ACTR3C: variants seen among roughly 807,000 people sequenced by gnomAD.
ACTR3C encodes the protein actin-related protein 3C.
Under a neutral mutation model 26.3 loss-of-function variants are expected in ACTR3C, and 18 were observed. That is an observed-to-expected ratio of 0.68 (90% CI 0.47 to 1.01). The LOEUF is 1.01. Ranked by LOEUF, ACTR3C falls within the 50% of genes least tolerant of loss-of-function variation. ACTR3C has a pLI of 0.00. For missense variants in ACTR3C, 184 were observed against 250.7 expected, an observed-to-expected ratio of 0.73 and a Z score of 1.80; for synonymous variants, 55 against 94.5, an observed-to-expected ratio of 0.58 and a Z score of 2.42.
the ACTR3C span, among the ~76,000 whole-genome samples, chr7:149,970,578 C>T: frequency 6.6e-6 from 1 of 152,172 alleles, no homozygotes; most frequent in Non-Finnish European, 1.5e-5. Flanking sequence ...TCTCTAATGA[C>T]CCCATTTGGA....
chr7:150,046,220 C>T, the ACTR3C span, among the ~76,000 whole-genome samples: 1 of 151,670 alleles, frequency 6.6e-6, no homozygotes, highest in Non-Finnish European at 1.5e-5. Context: ...GTTTTGTGAT[C>T]TCCATTAAAG....
the ACTR3C span, among the ~76,000 whole-genome samples, chr7:150,145,431 C>G: frequency 6.6e-6 from 1 of 151,506 alleles, no homozygotes; most frequent in Admixed American, 6.6e-5. Context: ...CTGCCATAGG[C>G]CTTGTGGTCT....
At chr7:150,165,135 T>C in the ACTR3C span, among the ~76,000 whole-genome samples, 5 of 152,246 alleles carry the variant, frequency 3.3e-5, no homozygotes, top group South Asian at 1.0e-3. Flanking sequence ...ACTTTCTGAG[T>C]TCCAGCTCAA....
chr7:149,913,403 CG>C, the ACTR3C span, among the ~76,000 whole-genome samples: 1 of 152,144 alleles, frequency 6.6e-6, no homozygotes, highest in Admixed American at 6.5e-5. Context: ...ATAGGGGAGG[CG>C]GGTGGACATG....
the ACTR3C span, among the ~76,000 whole-genome samples, chr7:150,041,097 G>A: frequency 6.6e-6 from 1 of 150,578 alleles, no homozygotes; most frequent in East Asian, 1.9e-4. Context: ...CAATGGAAAA[G>A]GCTTTGTCAG....
the ACTR3C span, among the ~76,000 whole-genome samples, chr7:150,027,173 C>T: frequency 9.9e-4 from 151 of 152,256 alleles, 2 homozygotes; most frequent in African/African-American, 3.5e-3. Flanking sequence ...AAACTTTCTT[C>T]TCTTTTGCTG....
At chr7:149,887,036 G>GT in the ACTR3C span, among the ~76,000 whole-genome samples, 1 of 150,852 alleles carries the variant, frequency 6.6e-6, no homozygotes, top group Non-Finnish European at 1.5e-5. Context: ...AATGAACAGT[G>GT]TCCAGAGTCC....
the ACTR3C span, among the ~76,000 whole-genome samples, chr7:149,994,188 T>C: frequency 6.6e-6 from 1 of 152,070 alleles, no homozygotes; most frequent in Non-Finnish European, 1.5e-5. Flanking sequence ...GTATGAAATG[T>C]TTTTCACACT....
the ACTR3C span, among the ~76,000 whole-genome samples, chr7:149,985,595 G>T: frequency 6.6e-6 from 1 of 152,244 alleles, no homozygotes; most frequent in Non-Finnish European, 1.5e-5. Flanking sequence ...AATCCAGCTT[G>T]TGCTACTGAA....
At chr7:150,058,891 C>T in the ACTR3C span, among the ~76,000 whole-genome samples, 1 of 152,092 alleles carries the variant, frequency 6.6e-6, no homozygotes, top group Non-Finnish European at 1.5e-5. Flanking sequence ...TGCACTCCAG[C>T]CTGGCCACAG....
chr7:150,227,688 G>GTTTTTTTTTTTTTTTTT, the ACTR3C span, among the ~76,000 whole-genome samples: 67 of 111,350 alleles, frequency 6.0e-4, 1 homozygote, highest in African/African-American at 1.8e-3. Flanking sequence ...TTGTGTCTGG[G>GTTTTTTTTTTTTTTTTT]TTTTTTTTTT....
chr7:149,992,547 C>T, the ACTR3C span, among the ~76,000 whole-genome samples: 7 of 152,344 alleles, frequency 4.6e-5, no homozygotes, highest in East Asian at 7.7e-4. Flanking sequence ...AACCCCTTCC[C>T]GTCCGGGGCA....
chr7:150,050,780 G>A, the ACTR3C span, among the ~76,000 whole-genome samples: 1 of 151,962 alleles, frequency 6.6e-6, no homozygotes, highest in Non-Finnish European at 1.5e-5. Flanking sequence ...CTTGCAACTT[G>A]CACACTGAAC....
intron 1 of ACTR3C, among the ~76,000 whole-genome samples, chr7:150,315,292 G>A (rs1440994188): frequency 6.6e-6 from 1 of 152,038 alleles, no homozygotes; most frequent in Non-Finnish European, 1.5e-5. Context: ...ATAAACTTCT[G>A]TCCTGCTAAA....
the ACTR3C span, among the ~76,000 whole-genome samples, chr7:150,031,210 T>C: frequency 2.0e-5 from 3 of 151,216 alleles, no homozygotes; most frequent in East Asian, 1.9e-4. Context: ...TGAGCTGAGA[T>C]TGTATCACTG....
chr7:150,227,141 G>T, the ACTR3C span, among the ~76,000 whole-genome samples: 13 of 151,298 alleles, frequency 8.6e-5, no homozygotes, highest in Admixed American at 5.3e-4. Flanking sequence ...TGTGTGTTGA[G>T]AATGTTAAAA....
chr7:150,176,994 T>C, the ACTR3C span, among the ~76,000 whole-genome samples: 2 of 150,866 alleles, frequency 1.3e-5, no homozygotes, highest in East Asian at 1.9e-4. Flanking sequence ...ACAAATTCTC[T>C]AGATGCTCCT....
chr7:149,933,791 C>T, the ACTR3C span, among the ~76,000 whole-genome samples: 25 of 152,112 alleles, frequency 1.6e-4, no homozygotes, highest in African/African-American at 6.0e-4. Context: ...GAGTTCCACT[C>T]AACACTAGCA....
At chr7:150,236,469 A>G in the ACTR3C span, among the ~76,000 whole-genome samples, 1 of 152,228 alleles carries the variant, frequency 6.6e-6, no homozygotes, top group African/African-American at 2.4e-5. Context: ...AACTCTAGAT[A>G]CACACTGCAA....
Sources: gnomAD v4.1 joint callset for allele counts (sites outside exome capture counted in the v4.1 genomes callset) on GRCh38, gnomAD v4.1.1 for gene constraint, MANE v1.5 for transcripts, NCBI Gene and HGNC (gene_info 2026-07-23, HGNC 2026-07-21) for gene names.